GPC5: variants seen among roughly 807,000 people sequenced by gnomAD.
GPC5 encodes glypican-5.
Under a neutral mutation model 53.9 loss-of-function variants are expected in GPC5, and 47 were observed. That is an observed-to-expected ratio of 0.87 (90% CI 0.69 to 1.11). The LOEUF (loss-of-function observed/expected upper bound fraction) is 1.11. Ranked by LOEUF, GPC5 falls within the 50% of genes most tolerant of loss-of-function variation. GPC5 has a pLI of 0.00. For synonymous variants in GPC5, 286 were observed against 263.3 expected, an observed-to-expected ratio of 1.09 and a Z score of -0.84; for missense variants, 748 against 713.1, an observed-to-expected ratio of 1.05 and a Z score of -0.56.
chr13:92,476,551 C>G (rs1047454897), intron 7 of GPC5, among the ~76,000 whole-genome samples: 3 of 151,322 alleles, frequency 2.0e-5, no homozygotes, highest in African/African-American at 7.4e-5. Context: ...TGGGTATATA[C>G]CCAAAGGATT....
At chr13:91,828,927 A>G (rs1298658988) in intron 5 of GPC5, among the ~76,000 whole-genome samples, 1 of 152,092 alleles carries the variant, frequency 6.6e-6, no homozygotes, top group African/African-American at 2.4e-5. Flanking sequence ...AAAAATGATG[A>G]ATATGTGCTA....
chr13:92,648,289 T>C (rs954936041), intron 7 of GPC5, among the ~76,000 whole-genome samples: 2 of 152,110 alleles, frequency 1.3e-5, no homozygotes, highest in Admixed American at 1.3e-4. Context: ...CATTATTTGT[T>C]TTGTCAAGAG....
At chr13:92,599,235 T>C (rs1043301835) in intron 7 of GPC5, among the ~76,000 whole-genome samples, 2 of 152,236 alleles carry the variant, frequency 1.3e-5, no homozygotes, top group African/African-American at 4.8e-5. Flanking sequence ...ATTATAATAC[T>C]GTGCAGTGAG....
chr13:91,405,998 C>T (rs970111800), intron 1 of GPC5, among the ~76,000 whole-genome samples: 4 of 152,142 alleles, frequency 2.6e-5, no homozygotes, highest in African/African-American at 9.7e-5. Flanking sequence ...TCTTGAACTC[C>T]TGGGCTCAAG....
chr13:92,051,402 A>T (rs1160865884), intron 6 of GPC5, among the ~76,000 whole-genome samples: 1 of 151,928 alleles, frequency 6.6e-6, no homozygotes, highest in Non-Finnish European at 1.5e-5. Context: ...GGGTTTCACC[A>T]TCTTGGCCAG....
intron 7 of GPC5, among the ~76,000 whole-genome samples, chr13:92,481,384 A>T (rs558624762): frequency 3.9e-5 from 6 of 152,182 alleles, no homozygotes; most frequent in African/African-American, 1.4e-4. Context: ...TGCAGGCATG[A>T]CCCACCGCGC....
chr13:91,709,118 A>G (rs754769151), intron 3 of GPC5, among the ~76,000 whole-genome samples: 43 of 152,320 alleles, frequency 2.8e-4, no homozygotes, highest in Non-Finnish European at 2.6e-4. Context: ...ACAGTGTCCT[A>G]GGCACTGCTA....
intron 2 of GPC5, among the ~76,000 whole-genome samples, chr13:91,680,458 A>G (rs426697): frequency 0.14 from 21,267 of 152,172 alleles, 1,666 homozygotes; most frequent in East Asian, 0.27. Flanking sequence ...CAAAACAAAC[A>G]AACAAACAAA....
Position 92,155,910 on chromosome 13 carries a change from T to C in GPC5, c.1561+10921T>C, listed in dbSNP as rs555845209. Among the ~76,000 whole-genome samples the C allele has an allele frequency of 2.1e-3, 315 of 152,304 alleles. 3 individuals carry two copies. Among genetic ancestry groups the C allele is most frequent in the African/African-American group, 7.4e-3 (308 of 41,572 alleles). Reference sequence around the variant, plus strand: ...GAACATCTTGATTGTGTGCTTACTATGTTTGCAGAGATCATAACAGAATAT... The same window carrying C: ...GAACATCTTGATTGTGTGCTTACTACGTTTGCAGAGATCATAACAGAATAT... On this transcript the variant is annotated intron_variant, in intron 7 of 7. Transcript: ENST00000377067.
chr13:91,595,476 C>T (rs2032960713), intron 2 of GPC5, among the ~76,000 whole-genome samples: 1 of 151,954 alleles, frequency 6.6e-6, no homozygotes, highest in South Asian at 2.1e-4. Context: ...TGTTCTTTAA[C>T]TTGTGAATTA....
At chr13:91,714,422 G>A (rs1040177917) in intron 3 of GPC5, among the ~76,000 whole-genome samples, 1 of 152,164 alleles carries the variant, frequency 6.6e-6, no homozygotes, top group Non-Finnish European at 1.5e-5. Flanking sequence ...ATGCATTCAA[G>A]CTCTGTCCAT....
intron 2 of GPC5, among the ~76,000 whole-genome samples, chr13:91,667,963 A>G (rs543358749): frequency 4.0e-5 from 6 of 151,874 alleles, no homozygotes; most frequent in Non-Finnish European, 7.4e-5. Context: ...TCTTTGTTCT[A>G]TTTTCTCTTT....
rs1594598937 is a variant in GPC5 at position 91,826,282 on chromosome 13, G to A, written c.1280+69862G>A. On this transcript the variant is annotated intron_variant, in intron 5 of 7. Transcript: ENST00000377067. ...ACTTAAAGGTAAATATGTTTTCATT[G>A]GAAGAACAGATGTGGAATATCAGCA... Among the ~76,000 whole-genome samples the A allele has an allele frequency of 2.6e-5, 4 of 152,078 alleles. No individual in the cohort carries two copies. The East Asian group carries it at 7.7e-4, about 29-fold the overall frequency.
intron 4 of GPC5, among the ~76,000 whole-genome samples, chr13:91,730,503 CG>C (rs1343563609): frequency 6.6e-6 from 1 of 152,126 alleles, no homozygotes; most frequent in Non-Finnish European, 1.5e-5. Flanking sequence ...TAGTTCTTCA[CG>C]GCAATCTCAG....
intron 6 of GPC5, among the ~76,000 whole-genome samples, chr13:92,071,841 A>C (rs1341973472): frequency 6.8e-6 from 1 of 147,568 alleles, no homozygotes; most frequent in Non-Finnish European, 1.5e-5. Flanking sequence ...TTATTCATAT[A>C]TATATAACGA....
At chr13:91,910,568 A>G (rs1405071248) in intron 6 of GPC5, among the ~76,000 whole-genome samples, 3 of 152,164 alleles carry the variant, frequency 2.0e-5, no homozygotes, top group Non-Finnish European at 4.4e-5. Flanking sequence ...TATGGAAGTA[A>G]GTCAGCCATA....
chr13:91,789,793 A>C (rs931196222), intron 5 of GPC5, among the ~76,000 whole-genome samples: 5 of 152,190 alleles, frequency 3.3e-5, no homozygotes, highest in African/African-American at 1.2e-4. Flanking sequence ...TTGAGATAGG[A>C]TAGTGACTTC....
chr13:92,230,700 T>C (rs1230187506), intron 7 of GPC5, among the ~76,000 whole-genome samples: 2 of 152,142 alleles, frequency 1.3e-5, no homozygotes, highest in South Asian at 2.1e-4. Flanking sequence ...CAGAAATAGA[T>C]TTAAAAATTT....
In GPC5 at chr13:91,907,503, T is replaced by TTATATATATATATATATA. The variant is rs369447673; in HGVS notation, c.1281-429_1281-412dup. ...GGCTACTCTCTCTCTCTCTCTCTCT[T>TTATATATATATATATATA]TATATATATATATATATATATAGTA... On this transcript the variant is annotated intron_variant, in intron 5 of 7. Coordinates refer to ENST00000377067, the MANE Select transcript of GPC5 (RefSeq NM_004466.6). Among the ~76,000 whole-genome samples the TTATATATATATATATATA allele has an allele frequency of 6.8e-3, 885 of 129,346 alleles. 16 individuals are homozygous for TTATATATATATATATATA. Among genetic ancestry groups the TTATATATATATATATATA allele is most frequent in the African/African-American group, 0.024 (817 of 33,688 alleles). 84.9% of individuals were successfully genotyped at this position (129,346 alleles called of 152,430 possible).
Sources: gnomAD v4.1 joint callset for allele counts (sites outside exome capture counted in the v4.1 genomes callset) on GRCh38, gnomAD v4.1.1 for gene constraint, MANE v1.5 for transcripts, NCBI Gene and HGNC (gene_info 2026-07-23, HGNC 2026-07-21) for gene names.